DLGAP2: variants seen among roughly 807,000 people sequenced by gnomAD.
DLGAP2 encodes disks large-associated protein 2.
DLGAP2 carries 26 observed loss-of-function variants against 100.3 expected under a neutral mutation model. The observed-to-expected ratio is 0.26, with a 90% CI of 0.19 to 0.36. The LOEUF (loss-of-function observed/expected upper bound fraction) is 0.36. Ranked by LOEUF, DLGAP2 falls within the 10% of genes least tolerant of loss-of-function variation. The pLI, the probability that DLGAP2 is intolerant of heterozygous loss-of-function variation, is 1.00. For synonymous variants in DLGAP2, 886 were observed against 630.1 expected, an observed-to-expected ratio of 1.41 and a Z score of -6.08; for missense variants, 1,858 against 1,453.2, an observed-to-expected ratio of 1.28 and a Z score of -4.53.
At chr8:1,342,283 G>A (rs906155158) in intron 3 of DLGAP2, among the ~76,000 whole-genome samples, 1 of 152,196 alleles carries the variant, frequency 6.6e-6, no homozygotes, top group Admixed American at 6.5e-5. Context: ...TTCAGGCAGA[G>A]ACTGGATTGC....
chr8:1,330,576 G>T (rs549104123), intron 3 of DLGAP2, among the ~76,000 whole-genome samples: 1 of 148,158 alleles, frequency 6.7e-6, no homozygotes, highest in Non-Finnish European at 1.5e-5. Flanking sequence ...ACTGAGTTCT[G>T]TGTGGGAGCA....
chr8:1,657,033 G>A (rs1036487863), intron 8 of DLGAP2, among the ~76,000 whole-genome samples: 1 of 151,896 alleles, frequency 6.6e-6, no homozygotes, highest in African/African-American at 2.4e-5. Context: ...TTGTTTACAT[G>A]GTAAAAGAAA....
chr8:920,271 C>T (rs1183093868), intron 2 of DLGAP2, among the ~76,000 whole-genome samples: 2 of 152,184 alleles, frequency 1.3e-5, no homozygotes, highest in Non-Finnish European at 2.9e-5. Context: ...ATTCTGGGCT[C>T]CCAGCAGGAC....
chr8:838,955 A>G (rs889410207), intron 1 of DLGAP2, among the ~76,000 whole-genome samples: 1 of 152,222 alleles, frequency 6.6e-6, no homozygotes, highest in Non-Finnish European at 1.5e-5. Flanking sequence ...CATCACAGTG[A>G]TTAGATGCTC....
Position 1,328,762 on chromosome 8 carries a change from C to T in DLGAP2, c.106+69879C>T, listed in dbSNP as rs538713512. ...AAATGAACTAAGCTTCCCATAATAA[C>T]GGGAGACGGCGGAAATGTCGGGATG... is the stretch of plus-strand genomic sequence containing the variant. On this transcript the variant is annotated intron_variant, in intron 3 of 14. Transcript: ENST00000637795. 7.9e-5 allele frequency among the ~76,000 whole-genome samples: 12 copies of T among 152,272 alleles called. No individual in the cohort carries two copies. The South Asian group carries it at 1.2e-3, about 16-fold the overall frequency.
chr8:1,211,459 G>T (rs1158290912), intron 2 of DLGAP2, among the ~76,000 whole-genome samples: 1 of 152,232 alleles, frequency 6.6e-6, no homozygotes, highest in Non-Finnish European at 1.5e-5. Flanking sequence ...ATTAAATCCA[G>T]AATTCATTAA....
chr8:1,114,599 A>C (rs886252198), intron 2 of DLGAP2, among the ~76,000 whole-genome samples: 1 of 150,964 alleles, frequency 6.6e-6, no homozygotes, highest in Admixed American at 6.6e-5. Flanking sequence ...TTTCTTCTTT[A>C]TTATTCCAGC....
At chr8:1,162,476 T>C (rs1326274338) in intron 2 of DLGAP2, among the ~76,000 whole-genome samples, 1 of 152,234 alleles carries the variant, frequency 6.6e-6, no homozygotes, top group Non-Finnish European at 1.5e-5. Flanking sequence ...AACTCACTGC[T>C]AGCATCACTA....
chr8:1,420,554 A>G (rs1322732328), intron 3 of DLGAP2, among the ~76,000 whole-genome samples: 2 of 152,212 alleles, frequency 1.3e-5, no homozygotes, highest in African/African-American at 4.8e-5. Context: ...AGCTATCCAC[A>G]GTATACCTGA....
chr8:1,136,020 A>G (rs1182403624), intron 2 of DLGAP2, among the ~76,000 whole-genome samples: 2 of 152,218 alleles, frequency 1.3e-5, no homozygotes, highest in East Asian at 1.9e-4. Flanking sequence ...ATTCAAGTCA[A>G]GAAGCTCATT....
At chr8:763,815 G>A (rs753850929) in intron 1 of DLGAP2, among the ~76,000 whole-genome samples, 1 of 152,148 alleles carries the variant, frequency 6.6e-6, no homozygotes, top group Non-Finnish European at 1.5e-5. Context: ...AAAAGAATGA[G>A]GCAAACGATG....
chr8:1,663,985 G>A (rs1259060768), intron 8 of DLGAP2, among the ~76,000 whole-genome samples: 2 of 152,188 alleles, frequency 1.3e-5, no homozygotes, highest in African/African-American at 2.4e-5. Context: ...CCTGCAGACC[G>A]CTGGGGAAAT....
chr8:936,887 A>G (rs1167083454), intron 2 of DLGAP2, among the ~76,000 whole-genome samples: 1 of 152,198 alleles, frequency 6.6e-6, no homozygotes, highest in Non-Finnish European at 1.5e-5. Flanking sequence ...ATTCTGGTCC[A>G]TCGTTTCACC....
At chr8:1,172,865 C>A (rs1474448564) in intron 2 of DLGAP2, among the ~76,000 whole-genome samples, 1 of 152,130 alleles carries the variant, frequency 6.6e-6, no homozygotes, top group South Asian at 2.1e-4. Context: ...TCGTCTGAAC[C>A]CTTCTTCTCT....
In DLGAP2 at chr8:983,446, G is replaced by A. The variant is rs149378006; in HGVS notation, c.73+75480G>A. 7.2e-4 allele frequency among the ~76,000 whole-genome samples: 109 copies of A among 151,504 alleles called. 1 individual carries two copies. The highest frequency in any genetic ancestry group is 1.3e-3 in the Non-Finnish European group (90 of 67,912). On this transcript the variant is annotated intron_variant, in intron 2 of 14. Coordinates refer to ENST00000637795, the MANE Select transcript of DLGAP2 (RefSeq NM_001346810.2). ...CACGTGTTGGTGGAAGGTACAGGTC[G>A]TCAAGATGTTCTTCTATCCCTTAGA... is the stretch of plus-strand genomic sequence containing the variant.
chr8:861,205 G>C (rs560655294), intron 1 of DLGAP2, among the ~76,000 whole-genome samples: 1 of 152,200 alleles, frequency 6.6e-6, no homozygotes, highest in Non-Finnish European at 1.5e-5. Context: ...ACACGATACA[G>C]TATAACAACT....
chr8:1,274,974 G>T (rs1347173808), intron 3 of DLGAP2, among the ~76,000 whole-genome samples: 1 of 152,142 alleles, frequency 6.6e-6, no homozygotes, highest in East Asian at 1.9e-4. Context: ...CTGCTGCTGT[G>T]TCCGCAGTCC....
chr8:1,134,640 A>G (rs1384361038), intron 2 of DLGAP2, among the ~76,000 whole-genome samples: 4 of 152,238 alleles, frequency 2.6e-5, no homozygotes, highest in African/African-American at 7.2e-5. Flanking sequence ...TCACACTGCT[A>G]TAAAGAACTG....
chr8:1,665,776 G>C (rs1798528615), intron 8 of DLGAP2, among the ~76,000 whole-genome samples: 2 of 152,250 alleles, frequency 1.3e-5, no homozygotes, highest in African/African-American at 4.8e-5. Flanking sequence ...AGAATCTGAA[G>C]ACGTGTCATT....
Sources: allele counts gnomAD v4.1 joint callset (sites outside exome capture counted in the v4.1 genomes callset), GRCh38; gene constraint gnomAD v4.1.1; transcripts MANE v1.5; gene names NCBI Gene and HGNC (gene_info 2026-07-23, HGNC 2026-07-21).